FAM120C: variants seen among roughly 807,000 people sequenced by gnomAD.
FAM120C encodes family with sequence similarity 120 member C.
FAM120C carries 14 observed loss-of-function variants against 71.2 expected under a neutral mutation model. The observed-to-expected ratio is 0.20, with a 90% CI of 0.13 to 0.31. The LOEUF is 0.31. FAM120C is among the 10% of genes least tolerant of loss of function. FAM120C has a pLI of 1.00. For synonymous variants in FAM120C, 354 were observed against 353.2 expected (o/e 1.00, Z -0.03); for missense variants, 500 against 879.0 (o/e 0.57, Z 5.45).
intron 3 of FAM120C, among the ~76,000 whole-genome samples, chrX:54,153,471 G>A (rs965646094): frequency 2.8e-5 from 3 of 106,797 alleles, no homozygotes; most frequent in Admixed American, 1.0e-4. Context: ...ACAGTGGCAC[G>A]ATCTCGACTC....
intron 1 of FAM120C, among the ~76,000 whole-genome samples, chrX:54,165,232 C>T (rs993316270): frequency 9.0e-5 from 10 of 111,406 alleles, no homozygotes; most frequent in African/African-American, 2.6e-4. Flanking sequence ...AAATGTCTTT[C>T]GATGGTTGCT....
At chrX:54,083,842 A>G (rs1164131182) in intron 13 of FAM120C, among the ~76,000 whole-genome samples, 2 of 110,505 alleles carry the variant, frequency 1.8e-5, no homozygotes, top group Non-Finnish European at 3.8e-5. Flanking sequence ...CAGTCTCCCG[A>G]GTAGCTAGGA....
At chrX:54,146,898 C>T (rs1472108065) in intron 4 of FAM120C, among the ~76,000 whole-genome samples, 1 of 109,447 alleles carries the variant, frequency 9.1e-6, no homozygotes. Context: ...ATAGTCTTTT[C>T]AACAAACTGT....
intron 10 of FAM120C, among the ~76,000 whole-genome samples, chrX:54,109,935 T>A (rs2495801): frequency 7.5e-5 from 8 of 107,234 alleles, no homozygotes; most frequent in Non-Finnish European, 1.3e-4. Context: ...TCACAGCATG[T>A]ACAAAATATC....
chrX:54,081,356 T>C lies in FAM120C; in HGVS notation c.2944A>G (p.Met982Val), dbSNP rs782390237. Residue 982 changes from methionine (M) to valine (V), a missense_variant, in exon 14 of 16, where the codon ATG becomes GTG. Met to Val is a conservative substitution (Grantham distance 21). Transcript: ENST00000375180. ...RSSRGRGSFG[M>V]QVVSVGGPGK... ...GGCCCACCGACAGAAACCACTTGCA[T>C]GCCGAAGGATCCTCGGCCCCTGGAG... 7 of 1,206,710 alleles carry C rather than the reference T, an allele frequency of 5.8e-6. No homozygotes were observed. In the East Asian group the frequency reaches 2.1e-4, roughly 36 times the overall value.
chrX:54,113,187 G>A (rs915921967), intron 10 of FAM120C, among the ~76,000 whole-genome samples: 1 of 111,077 alleles, frequency 9.0e-6, no homozygotes. Context: ...AGTGGCCGGG[G>A]GCGGTGGCTC....
At chrX:54,086,004 G>T in intron 12 of FAM120C, 88 bp from the exon 13 acceptor site, 1 of 792,272 alleles carries the variant, frequency 1.3e-6, no homozygotes. Flanking sequence ...TCTAGGTACA[G>T]TCTCACAATT....
intron 3 of FAM120C, among the ~76,000 whole-genome samples, chrX:54,153,713 G>C (rs1362424254): frequency 9.1e-6 from 1 of 110,026 alleles, no homozygotes; most frequent in African/African-American, 3.3e-5. Flanking sequence ...GATTATAGGT[G>C]AGCACCACCA....
At chrX:54,169,736 T>C (rs2067278011) in intron 1 of FAM120C, among the ~76,000 whole-genome samples, 1 of 112,104 alleles carries the variant, frequency 8.9e-6, no homozygotes, top group Non-Finnish European at 1.9e-5. Flanking sequence ...GGATGGATTA[T>C]GTATAAGTCT....
intron 1 of FAM120C, among the ~76,000 whole-genome samples, chrX:54,160,058 T>C (rs2067228727): frequency 9.0e-6 from 1 of 111,267 alleles, no homozygotes; most frequent in Non-Finnish European, 1.9e-5. Context: ...ATTAGAATAC[T>C]GAAATTAACG....
intron 9 of FAM120C, among the ~76,000 whole-genome samples, chrX:54,129,845 C>T (rs1378771525): frequency 2.7e-5 from 3 of 111,443 alleles, no homozygotes; most frequent in African/African-American, 9.8e-5. Flanking sequence ...CAGCGAAACC[C>T]GGTCTCCACC....
intron 9 of FAM120C, among the ~76,000 whole-genome samples, chrX:54,117,402 A>C (rs189631679): frequency 6.7e-5 from 7 of 104,548 alleles, no homozygotes; most frequent in East Asian, 2.9e-4. Context: ...AATAAAATAA[A>C]ATAAAATAAA....
intron 13 of FAM120C, among the ~76,000 whole-genome samples, chrX:54,083,875 ATGCCCGGCTAATTTTTATATTTTTTG>A (rs1557121639): frequency 9.0e-6 from 1 of 110,618 alleles, no homozygotes; most frequent in African/African-American, 3.3e-5. Flanking sequence ...GCCCGCCACC[ATGCCCGGCTAATTTTTATATTTTTTG>A]TAGAGACAGG....
intron 9 of FAM120C, among the ~76,000 whole-genome samples, chrX:54,129,207 G>A (rs1460321582): frequency 9.4e-6 from 1 of 106,756 alleles, no homozygotes; most frequent in African/African-American, 3.4e-5. Flanking sequence ...GGGTGGAGAC[G>A]CTCCTCACTT....
intron 10 of FAM120C, among the ~76,000 whole-genome samples, chrX:54,116,312 A>C (rs2066967601): frequency 9.0e-6 from 1 of 111,488 alleles, no homozygotes; most frequent in Non-Finnish European, 1.9e-5. Flanking sequence ...ACTGAACAAG[A>C]CAAAAACTAA....
chrX:54,092,437 C>T (rs1191568558), intron 10 of FAM120C, among the ~76,000 whole-genome samples: 1 of 110,087 alleles, frequency 9.1e-6, no homozygotes, highest in African/African-American at 3.3e-5. Flanking sequence ...CCCAGCTACT[C>T]AGGAAGCTGA....
At chrX:54,088,829 G>A (rs1238580948) in intron 11 of FAM120C, among the ~76,000 whole-genome samples, 3 of 109,098 alleles carry the variant, frequency 2.7e-5, no homozygotes, top group African/African-American at 1.0e-4. Flanking sequence ...TGGGTGGATC[G>A]CTTGAGGCCA....
At chrX:54,153,947 C>T (rs2067196428) in intron 3 of FAM120C, among the ~76,000 whole-genome samples, 2 of 108,654 alleles carry the variant, frequency 1.8e-5, no homozygotes, top group South Asian at 4.1e-4. Context: ...GTGATCCACC[C>T]GCCTCAGCCT....
intron 5 of FAM120C, 140 bp downstream of exon 5, chrX:54,136,351 G>A: frequency 4.5e-6 from 2 of 448,647 alleles, no homozygotes; most frequent in East Asian, 3.6e-5. Context: ...AAAGGAGAAA[G>A]CCTACCAAAC....
Sources: gnomAD v4.1 joint callset for allele counts (sites outside exome capture counted in the v4.1 genomes callset) on GRCh38, gnomAD v4.1.1 for gene constraint, MANE v1.5 for transcripts, NCBI Gene and HGNC (gene_info 2026-07-23, HGNC 2026-07-21) for gene names.